Variants in CFAP20DC observed in about 807,000 individuals in gnomAD.
CFAP20DC encodes CFAP20 domain containing.
In CFAP20DC, 84 loss-of-function variants were observed where a neutral mutation model predicts 101.7. The observed-to-expected ratio is 0.83, with a 90% CI of 0.69 to 0.99. The LOEUF is 0.99. Among genes scored for constraint, CFAP20DC ranks in the 50% least tolerant of loss-of-function variants. The pLI, the probability that CFAP20DC is intolerant of heterozygous loss-of-function variation, is 0.00. For missense variants in CFAP20DC, 1,007 were observed against 970.3 expected (o/e 1.04, Z -0.50); for synonymous variants, 359 against 351.2 (o/e 1.02, Z -0.25).
intron 14 of CFAP20DC, among the ~76,000 whole-genome samples, chr3:58,811,979 G>C (rs1164202712): frequency 6.6e-6 from 1 of 152,126 alleles, no homozygotes; most frequent in Non-Finnish European, 1.5e-5. Context: ...GGCCATCAGA[G>C]AAATGCAAAT....
At chr3:58,902,167 T>C (rs2083203957) in intron 6 of CFAP20DC, among the ~76,000 whole-genome samples, 1 of 152,202 alleles carries the variant, frequency 6.6e-6, no homozygotes, top group Non-Finnish European at 1.5e-5. Flanking sequence ...CTGTAATACA[T>C]ACATCATTTT....
At position 59,045,477 on chromosome 3, in the gene CFAP20DC, A is replaced by G. The variant is rs1189946396; in HGVS notation, c.205+752T>C. On this transcript the variant is annotated intron_variant, in intron 3 of 16. Coordinates refer to ENST00000482387, the MANE Select transcript of CFAP20DC (RefSeq NM_001394063.1). ...GAAAAATCTAGTTAATCATTCTGAT[A>G]AATCATATTCCTTAAATCAATCAGT... is the stretch of plus-strand genomic sequence containing the variant. Among the ~76,000 whole-genome samples the G allele has an allele frequency of 2.0e-5, 3 of 152,132 alleles. No homozygotes were observed. In the East Asian group the frequency reaches 5.8e-4, roughly 29 times the overall value.
At chr3:58,932,570 T>G (rs9839628) in intron 5 of CFAP20DC, among the ~76,000 whole-genome samples, 106,562 of 151,948 alleles carry the variant, frequency 0.7, 37,633 homozygotes, top group East Asian at 0.95. Flanking sequence ...CTAACAGCTG[T>G]TCTCTCGGCA....
At chr3:58,743,913 A>G (rs2068023306) in intron 16 of CFAP20DC, among the ~76,000 whole-genome samples, 1 of 152,192 alleles carries the variant, frequency 6.6e-6, no homozygotes, top group African/African-American at 2.4e-5. Context: ...CCAAAAACAC[A>G]TTTAGTGTGA....
At chr3:58,808,941 A>C (rs938124065) in intron 14 of CFAP20DC, among the ~76,000 whole-genome samples, 1 of 152,088 alleles carries the variant, frequency 6.6e-6, no homozygotes, top group African/African-American at 2.4e-5. Context: ...CAGACTTTAA[A>C]CCAACAAAGA....
chr3:59,028,999 T>C (rs2093941007), intron 4 of CFAP20DC, among the ~76,000 whole-genome samples: 1 of 152,198 alleles, frequency 6.6e-6, no homozygotes. Context: ...ATAATCTTAG[T>C]TCCCCCTAAT....
chr3:58,785,832 A>G (rs1413283256), intron 15 of CFAP20DC, among the ~76,000 whole-genome samples: 1 of 152,132 alleles, frequency 6.6e-6, no homozygotes, highest in African/African-American at 2.4e-5. Flanking sequence ...TTATCTGCCT[A>G]AAGACAGGAT....
At chr3:58,977,615 T>A (rs1445643203) in intron 4 of CFAP20DC, among the ~76,000 whole-genome samples, 1 of 151,942 alleles carries the variant, frequency 6.6e-6, no homozygotes, top group African/African-American at 2.4e-5. Context: ...AATTAATACT[T>A]ACTGAGGGTT....
At chr3:58,845,444 T>C (rs1441148905) in intron 13 of CFAP20DC, among the ~76,000 whole-genome samples, 3 of 150,844 alleles carry the variant, frequency 2.0e-5, no homozygotes, top group Non-Finnish European at 3.0e-5. Context: ...ACACATACAC[T>C]CTCCCAAGAC....
downstream of CFAP20DC, among the ~76,000 whole-genome samples, chr3:58,716,960 G>T (rs1559521625): frequency 6.6e-6 from 1 of 152,092 alleles, no homozygotes; most frequent in African/African-American, 2.4e-5. Context: ...CTTACCTTTT[G>T]CTTTAGACCT....
In CFAP20DC at chr3:59,039,566, G is replaced by A; in HGVS notation, c.269C>T (p.Thr90Ile). The change falls in exon 4 of 17, where the codon ACT becomes ATT. Residue 90 changes from threonine (T) to isoleucine (I), a missense_variant. Transcript: ENST00000482387. ...GTTCTGTATATCTTACAGCAATTCA[G>A]TGGAGAAGTCTTGTCCCAGGGGTAC... The part of the protein sequence containing the change: ...IYVPLGQDFS[T>I]ELLITDLGNI... The A allele has an allele frequency of 6.6e-7, 1 of 1,519,538 alleles. No homozygotes were observed. The highest frequency in any genetic ancestry group is 1.4e-5 in the African/African-American group (1 of 72,558). The allele number at this position is 1,519,538 out of a possible 1,614,324, so 94.1% of individuals were successfully genotyped here. A position where few individuals can be genotyped will look rare whatever the true frequency, so the allele number is the denominator to read the frequency against.
chr3:58,853,336 T>C (rs1351107981), intron 12 of CFAP20DC, among the ~76,000 whole-genome samples: 3 of 152,110 alleles, frequency 2.0e-5, no homozygotes, highest in African/African-American at 4.8e-5. Context: ...ATTGTGGCAA[T>C]AATCAATAGC....
chr3:58,808,432 T>G (rs1431658406), intron 14 of CFAP20DC, among the ~76,000 whole-genome samples: 2 of 152,286 alleles, frequency 1.3e-5, no homozygotes, highest in South Asian at 4.1e-4. Flanking sequence ...AGAAAAGAAT[T>G]TTCAACCCAG....
At chr3:58,994,434 A>T (rs1006862072) in intron 4 of CFAP20DC, among the ~76,000 whole-genome samples, 4 of 152,066 alleles carry the variant, frequency 2.6e-5, no homozygotes, top group African/African-American at 9.7e-5. Context: ...GGCATATGCC[A>T]TTATCCTCAT....
chr3:58,795,384 C>T lies in CFAP20DC; in HGVS notation c.2237+11011G>A, dbSNP rs2073163318. 6.6e-6 allele frequency among the ~76,000 whole-genome samples: 1 copy of T among 152,168 alleles called. No individual in the cohort carries two copies. On this transcript the variant is annotated intron_variant, in intron 15 of 16. Coordinates refer to ENST00000482387, the MANE Select transcript of CFAP20DC (RefSeq NM_001394063.1). This position sits in a 1 kb window ranked among gnomAD's most constrained non-coding sequence, Gnocchi z 4.2. ...CAGGTGCCGTGGCTCACGCCTGTAA[C>T]CCAGCCCTTTGGGAGGCCAAGGTGG... is the stretch of plus-strand genomic sequence containing the variant.
chr3:58,760,733 T>C (rs1364114207), intron 15 of CFAP20DC, among the ~76,000 whole-genome samples: 4 of 152,224 alleles, frequency 2.6e-5, no homozygotes, highest in Non-Finnish European at 5.9e-5. Context: ...TATTGAGAGT[T>C]TTTAGCATGA....
intron 14 of CFAP20DC, among the ~76,000 whole-genome samples, chr3:58,815,056 C>T (rs1454362287): frequency 6.6e-6 from 1 of 151,554 alleles, no homozygotes; most frequent in African/African-American, 2.4e-5. Context: ...CCAAAGCAAT[C>T]CTAAGCCAAA....
rs200019424 is a variant in CFAP20DC, at chr3:58,914,677, AAT to A, written c.394-815_394-814del. On this transcript the variant is annotated intron_variant, in intron 5 of 16. Coordinates refer to ENST00000482387, the MANE Select transcript of CFAP20DC (RefSeq NM_001394063.1). The surrounding 1 kb of genome is among the most constrained non-coding windows in gnomAD (Gnocchi z 4.9). ...GTTTACATAAGGTCCTGTATATATA[AAT>A]ATATATATATATATTTTTTTTCTTT... Among the ~76,000 whole-genome samples the A allele has an allele frequency of 6.9e-4, 102 of 148,302 alleles. No individual in the cohort carries two copies. Among genetic ancestry groups the A allele is most frequent in the Non-Finnish European group, 2.2e-4 (15 of 67,062 alleles).
At chr3:58,934,236 T>G (rs2087178705) in intron 5 of CFAP20DC, among the ~76,000 whole-genome samples, 1 of 152,144 alleles carries the variant, frequency 6.6e-6, no homozygotes, top group African/African-American at 2.4e-5. Context: ...AAGCTGAATC[T>G]CTGAATAGAC....
Sources: allele counts gnomAD v4.1 joint callset (sites outside exome capture counted in the v4.1 genomes callset), GRCh38; gene constraint gnomAD v4.1.1; non-coding constraint Gnocchi (gnomAD v3.1); transcripts MANE v1.5; gene names NCBI Gene and HGNC (gene_info 2026-07-23, HGNC 2026-07-21).